SH3BGRL2: variants seen among roughly 807,000 people sequenced by gnomAD.
SH3BGRL2 encodes the protein SH3 domain binding glutamate rich protein like 2.
In SH3BGRL2, 21 loss-of-function variants were observed where a neutral mutation model predicts 14.8. The observed-to-expected ratio is 1.42, with a 90% CI of 1.01 to 2.05. SH3BGRL2 has a LOEUF of 2.05. Among genes scored for constraint, SH3BGRL2 ranks in the 30% most tolerant of loss-of-function variants. The probability of loss-of-function intolerance (pLI) is 0.00; values close to 1 mark genes in which losing one functional copy is unlikely to be tolerated. For synonymous variants in SH3BGRL2, 50 were observed against 47.8 expected (o/e 1.05, Z -0.19); for missense variants, 147 against 130.8 (o/e 1.12, Z -0.61).
At chr6:79,641,632 G>T (rs1666464561) in intron 1 of SH3BGRL2, among the ~76,000 whole-genome samples, 1 of 152,182 alleles carries the variant, frequency 6.6e-6, no homozygotes, top group South Asian at 2.1e-4. Context: ...TATGAGCTTT[G>T]AATGAAATGA....
At chr6:79,541,761 G>A in the SH3BGRL2 span, among the ~76,000 whole-genome samples, 12 of 152,304 alleles carry the variant, frequency 7.9e-5, no homozygotes, top group Admixed American at 5.9e-4. Context: ...AAACTGGAAT[G>A]CTGTTACTAG....
chr6:79,692,011 G>A (rs1283542710), intron 2 of SH3BGRL2, among the ~76,000 whole-genome samples: 1 of 152,162 alleles, frequency 6.6e-6, no homozygotes, highest in Non-Finnish European at 1.5e-5. Context: ...ATCCTCTCCA[G>A]CACCTGTTGT....
At chr6:79,663,072 T>A (rs760048435) in intron 1 of SH3BGRL2, among the ~76,000 whole-genome samples, 50 of 152,320 alleles carry the variant, frequency 3.3e-4, no homozygotes, top group Admixed American at 2.0e-3. Flanking sequence ...GGTTTTTAGC[T>A]TCCTTGCGAA....
chr6:79,626,584 G>C (rs147701759), upstream of SH3BGRL2, among the ~76,000 whole-genome samples: 1,330 of 152,264 alleles, frequency 8.7e-3, 19 homozygotes, highest in African/African-American at 0.031. Context: ...GCTTCTTGTG[G>C]ATTTATTGGG....
chr6:79,605,611 A>C, the SH3BGRL2 span, among the ~76,000 whole-genome samples: 4 of 152,244 alleles, frequency 2.6e-5, no homozygotes, highest in African/African-American at 4.8e-5. Context: ...GCCTAATTTC[A>C]AATTTTAAGT....
chr6:79,681,991 CTAT>C (rs1475866027), intron 2 of SH3BGRL2, among the ~76,000 whole-genome samples: 1 of 145,906 alleles, frequency 6.9e-6, no homozygotes. Flanking sequence ...GATCACTACA[CTAT>C]TATTTTACAC....
intron 1 of SH3BGRL2, among the ~76,000 whole-genome samples, chr6:79,665,679 C>T (rs1480893447): frequency 1.3e-5 from 2 of 152,114 alleles, no homozygotes; most frequent in Non-Finnish European, 2.9e-5. Context: ...CAAATATTTG[C>T]CCATGTAGTA....
At chr6:79,662,098 G>T (rs924791675) in intron 1 of SH3BGRL2, among the ~76,000 whole-genome samples, 1 of 151,994 alleles carries the variant, frequency 6.6e-6, no homozygotes, top group Admixed American at 6.5e-5. Flanking sequence ...ACTCTTTATT[G>T]AGTTTGCCCA....
At chr6:79,628,204 A>C (rs1319445484), upstream of SH3BGRL2, among the ~76,000 whole-genome samples, 2 of 152,122 alleles carry the variant, frequency 1.3e-5, no homozygotes, top group African/African-American at 4.8e-5. Context: ...TCAAAATTTT[A>C]ACATTTTGGT....
the SH3BGRL2 span, among the ~76,000 whole-genome samples, chr6:79,600,847 A>T: frequency 3.3e-5 from 5 of 152,110 alleles, no homozygotes; most frequent in Admixed American, 2.6e-4. Context: ...TAAGTGTGAC[A>T]TTTACCCAGT....
chr6:79,537,871 C>G, the SH3BGRL2 span, among the ~76,000 whole-genome samples: 4 of 152,094 alleles, frequency 2.6e-5, no homozygotes, highest in South Asian at 8.3e-4. Context: ...ATGGCTGATT[C>G]AGGAGGATGC....
intron 2 of SH3BGRL2, among the ~76,000 whole-genome samples, chr6:79,686,257 A>G (rs1335804797): frequency 1.3e-5 from 2 of 152,198 alleles, no homozygotes; most frequent in Non-Finnish European, 2.9e-5. Flanking sequence ...AGGACTGCTC[A>G]ATCTGAAAAC....
At chr6:79,695,751 C>T (rs929296034) in intron 2 of SH3BGRL2, among the ~76,000 whole-genome samples, 2 of 152,148 alleles carry the variant, frequency 1.3e-5, no homozygotes, top group Non-Finnish European at 2.9e-5. Flanking sequence ...TCATCATTTG[C>T]TTACATTATT....
rs201217568 is a variant in SH3BGRL2 at position 79,649,366 on chromosome 6, CAT to C, written c.45+17863_45+17864del. On this transcript the variant is annotated intron_variant, in intron 1 of 3. Transcript: ENST00000369838. ...ATGTCTTGGCTTTACAATGCAGAAA[CAT>C]ATGTGGTATATTTTAGAAAGATTTC... Among the ~76,000 whole-genome samples, 1,299 of 152,202 alleles carry C rather than the reference CAT, an allele frequency of 8.5e-3. 17 individuals carry two copies. Among genetic ancestry groups the C allele is most frequent in the African/African-American group, 0.03 (1,229 of 41,546 alleles).
the SH3BGRL2 span, among the ~76,000 whole-genome samples, chr6:79,547,405 A>C: frequency 6.6e-6 from 1 of 152,060 alleles, no homozygotes; most frequent in Non-Finnish European, 1.5e-5. Flanking sequence ...TGCTGGGTAA[A>C]GCTGAGCATT....
Position 79,691,164 on chromosome 6 carries a change from A to G in SH3BGRL2, c.232-5321A>G, listed in dbSNP as rs181137613. Among the ~76,000 whole-genome samples the G allele has an allele frequency of 3.7e-3, 567 of 152,174 alleles. 2 individuals are homozygous for G. The highest frequency in any genetic ancestry group is 8.5e-3 in the Admixed American group (130 of 15,288). Reference sequence around the variant, plus strand: ...GTGAGACCCTATCTCAACAACAACAAAAAAGATCCTTCTTCTCCCCAAACC... The same window carrying G: ...GTGAGACCCTATCTCAACAACAACAGAAAAGATCCTTCTTCTCCCCAAACC... On this transcript the variant is annotated intron_variant, in intron 2 of 3. Transcript: ENST00000369838.
At chr6:79,579,758 C>G in the SH3BGRL2 span, among the ~76,000 whole-genome samples, 6 of 152,254 alleles carry the variant, frequency 3.9e-5, no homozygotes, top group East Asian at 1.2e-3. Flanking sequence ...GCAAAATAAC[C>G]AGCGAACATC....
chr6:79,676,605 A>ATGTGTG (rs58234438), intron 2 of SH3BGRL2, among the ~76,000 whole-genome samples: 11,485 of 139,294 alleles, frequency 0.082, 579 homozygotes, highest in Non-Finnish European at 0.11. Context: ...GTCTTTATGT[A>ATGTGTG]TGTGTGTGTG....
At chr6:79,648,691 T>C (rs1370444180) in intron 1 of SH3BGRL2, among the ~76,000 whole-genome samples, 6 of 152,090 alleles carry the variant, frequency 3.9e-5, no homozygotes, top group African/African-American at 1.2e-4. Context: ...TTTAGAGCAC[T>C]TGGCACATAG....
Sources: allele counts gnomAD v4.1 joint callset (sites outside exome capture counted in the v4.1 genomes callset), GRCh38; gene constraint gnomAD v4.1.1; transcripts MANE v1.5; gene names NCBI Gene and HGNC (gene_info 2026-07-23, HGNC 2026-07-21).